Variants in HEMK2 observed in about 807,000 individuals in gnomAD.
The protein encoded by HEMK2 is methyltransferase HEMK2.
At chr21:28,808,488 T>C in the HEMK2 span, among the ~76,000 whole-genome samples, 2 of 151,600 alleles carry the variant, frequency 1.3e-5, no homozygotes, top group African/African-American at 2.4e-5. Context: ...AGAAATAACA[T>C]CTCAACAATA....
chr21:28,792,258 G>A, the HEMK2 span, among the ~76,000 whole-genome samples: 8 of 152,128 alleles, frequency 5.3e-5, no homozygotes, highest in Non-Finnish European at 1.0e-4. Flanking sequence ...CCCTCTGGTT[G>A]TTCTCTGTAT....
the HEMK2 span, among the ~76,000 whole-genome samples, chr21:28,862,564 G>A: frequency 5.6e-5 from 7 of 124,848 alleles, no homozygotes; most frequent in East Asian, 1.9e-4. Context: ...GCGTGAACCC[G>A]GGAAGCGGAG....
the HEMK2 span, among the ~76,000 whole-genome samples, chr21:28,579,585 T>C: frequency 3.3e-5 from 5 of 152,166 alleles, no homozygotes; most frequent in African/African-American, 4.8e-5. Flanking sequence ...TTAATGTTTT[T>C]ATTAATTTGT....
the HEMK2 span, among the ~76,000 whole-genome samples, chr21:28,709,823 G>A: frequency 6.6e-6 from 1 of 152,010 alleles, no homozygotes; most frequent in Non-Finnish European, 1.5e-5. Context: ...TAAAAGTCTG[G>A]GTATAACTAC....
the HEMK2 span, among the ~76,000 whole-genome samples, chr21:28,813,372 A>T: frequency 6.6e-6 from 1 of 152,110 alleles, no homozygotes; most frequent in Non-Finnish European, 1.5e-5. Context: ...AGAGAATAAA[A>T]TACCTAGGAA....
the HEMK2 span, among the ~76,000 whole-genome samples, chr21:28,795,864 G>T: frequency 2.6e-5 from 4 of 152,130 alleles, no homozygotes; most frequent in Non-Finnish European, 4.4e-5. Context: ...TGATATTGAA[G>T]GCTTGGCCTG....
At chr21:28,821,279 C>A in the HEMK2 span, among the ~76,000 whole-genome samples, 3 of 152,182 alleles carry the variant, frequency 2.0e-5, no homozygotes, top group African/African-American at 7.2e-5. Flanking sequence ...GAGGGAGAGG[C>A]TGTGGGCTCC....
At chr21:28,751,549 C>T in the HEMK2 span, among the ~76,000 whole-genome samples, 2 of 152,092 alleles carry the variant, frequency 1.3e-5, no homozygotes, top group African/African-American at 4.8e-5. Flanking sequence ...TTTTTGAAAT[C>T]GTGTGTCTAA....
the HEMK2 span, among the ~76,000 whole-genome samples, chr21:28,586,145 T>C: frequency 6.6e-6 from 1 of 152,320 alleles, no homozygotes; most frequent in South Asian, 2.1e-4. Context: ...TTTGCGATGT[T>C]TGAATTTCTA....
At chr21:28,714,033 C>T in the HEMK2 span, among the ~76,000 whole-genome samples, 1 of 152,194 alleles carries the variant, frequency 6.6e-6, no homozygotes, top group Non-Finnish European at 1.5e-5. Context: ...TGACCAACAC[C>T]TTGTACTGTA....
chr21:28,872,205 A>G, the HEMK2 span: 1 of 152,198 alleles, frequency 6.6e-6, no homozygotes, highest in Admixed American at 6.5e-5. Flanking sequence ...AGGAGGGCAG[A>G]ATTTATTAGG....
chr21:28,613,435 A>G, the HEMK2 span, among the ~76,000 whole-genome samples: 5 of 152,002 alleles, frequency 3.3e-5, no homozygotes, highest in Non-Finnish European at 5.9e-5. Flanking sequence ...CAAAGTTCAA[A>G]GAGAAAAATC....
chr21:28,759,598 G>A, the HEMK2 span, among the ~76,000 whole-genome samples: 1 of 152,080 alleles, frequency 6.6e-6, no homozygotes, highest in African/African-American at 2.4e-5. Flanking sequence ...GGGGCCGGGG[G>A]TGGAATCTCA....
the HEMK2 span, among the ~76,000 whole-genome samples, chr21:28,747,883 G>A: frequency 6.6e-6 from 1 of 152,200 alleles, no homozygotes; most frequent in Non-Finnish European, 1.5e-5. Context: ...AAATTAAAAG[G>A]AACATAACCA....
At chr21:28,874,738 G>A in the HEMK2 span, 1 of 152,214 alleles carries the variant, frequency 6.6e-6, no homozygotes, top group African/African-American at 2.4e-5. Context: ...TGCCCATTCA[G>A]TGTCTATCCA....
At chr21:28,604,621 T>G in the HEMK2 span, among the ~76,000 whole-genome samples, 57 of 152,342 alleles carry the variant, frequency 3.7e-4, 1 homozygote, top group Non-Finnish European at 7.1e-4. Context: ...TGCTCAGCAA[T>G]TCTCCTCATT....
At chr21:28,723,846 G>A in the HEMK2 span, among the ~76,000 whole-genome samples, 3 of 152,190 alleles carry the variant, frequency 2.0e-5, no homozygotes, top group Admixed American at 1.3e-4. Context: ...ATGAAGATAC[G>A]CAGCCAGCAC....
the HEMK2 span, among the ~76,000 whole-genome samples, chr21:28,858,411 C>G: frequency 6.6e-5 from 10 of 152,168 alleles, no homozygotes; most frequent in African/African-American, 2.4e-4. Context: ...CCACAATCAC[C>G]AGCTCCTAAG....
chr21:28,594,244 A>C, the HEMK2 span, among the ~76,000 whole-genome samples: 1 of 152,244 alleles, frequency 6.6e-6, no homozygotes, highest in Admixed American at 6.5e-5. Flanking sequence ...CTGAGCAGAC[A>C]TGAGGACAAA....
Sources: allele counts gnomAD v4.1 joint callset (sites outside exome capture counted in the v4.1 genomes callset), GRCh38; gene constraint gnomAD v4.1.1; transcripts MANE v1.5; gene names NCBI Gene and HGNC (gene_info 2026-07-23, HGNC 2026-07-21).